The following CYRIB variants were observed in gnomAD, a reference collection of about 807,000 sequenced individuals.
The protein encoded by CYRIB is CYFIP related Rac1 interactor B.
In CYRIB, 8 loss-of-function variants were observed where a neutral mutation model predicts 44.2. That is an observed-to-expected ratio of 0.18 (90% CI 0.11 to 0.33). CYRIB has a LOEUF of 0.33. Ranked by LOEUF, CYRIB falls within the 10% of genes least tolerant of loss-of-function variation. CYRIB has a pLI of 1.00. For synonymous variants in CYRIB, 131 were observed against 127.2 expected, an observed-to-expected ratio of 1.03 and a Z score of -0.20; for missense variants, 185 against 382.8, an observed-to-expected ratio of 0.48 and a Z score of 4.31.
At chr8:129,899,428 CATT>C in intron 2 of CYRIB, among the ~76,000 whole-genome samples, 1 of 152,206 alleles carries the variant, frequency 6.6e-6, no homozygotes, top group South Asian at 2.1e-4. Context: ...ATGTTGAGAT[CATT>C]ATTAGGACCA....
At chr8:129,978,577 G>C (rs1158389273) in intron 1 of CYRIB, among the ~76,000 whole-genome samples, 2 of 152,192 alleles carry the variant, frequency 1.3e-5, no homozygotes, top group Non-Finnish European at 2.9e-5. Context: ...CCCTGTGCTA[G>C]AGTTTTCTAA....
intron 1 of CYRIB, among the ~76,000 whole-genome samples, chr8:129,992,374 A>G (rs1476309241): frequency 6.6e-6 from 1 of 152,220 alleles, no homozygotes; most frequent in African/African-American, 2.4e-5. Context: ...AGTGGGGAAA[A>G]TGTCCCCTCA....
chr8:129,870,003 A>G (rs1168864191), intron 4 of CYRIB, among the ~76,000 whole-genome samples: 1 of 152,136 alleles, frequency 6.6e-6, no homozygotes, highest in Non-Finnish European at 1.5e-5. Flanking sequence ...CGTTGAAGAA[A>G]AAAATGAAAG....
At chr8:129,865,582 GAAT>G (rs1204723493) in intron 4 of CYRIB, among the ~76,000 whole-genome samples, 1 of 152,148 alleles carries the variant, frequency 6.6e-6, no homozygotes. Flanking sequence ...TCATTTCTCA[GAAT>G]AATAAACGTG....
At chr8:129,899,612 CAAAGA>C (rs1489028986) in intron 2 of CYRIB, among the ~76,000 whole-genome samples, 1 of 151,910 alleles carries the variant, frequency 6.6e-6, no homozygotes, top group African/African-American at 2.4e-5. Flanking sequence ...GAGAGGATCA[CAAAGA>C]AAAGATGTTT....
chr8:129,889,384 G>C (rs1329379799), intron 2 of CYRIB, among the ~76,000 whole-genome samples: 1 of 152,182 alleles, frequency 6.6e-6, no homozygotes, highest in African/African-American at 2.4e-5. Context: ...GCAGCTCATG[G>C]ATCACAAAGT....
intron 1 of CYRIB, among the ~76,000 whole-genome samples, chr8:129,930,312 A>G (rs1337169116): frequency 7.3e-6 from 1 of 137,606 alleles, no homozygotes; most frequent in South Asian, 2.3e-4. Flanking sequence ...CAGTAAAAGA[A>G]TTTCACAAAA....
chr8:130,009,382 C>G (rs1009671902), intron 1 of CYRIB, among the ~76,000 whole-genome samples: 2 of 151,744 alleles, frequency 1.3e-5, no homozygotes, highest in African/African-American at 4.9e-5. Context: ...ATTCTCCTGC[C>G]TCAGCCTCCC....
intron 1 of CYRIB, among the ~76,000 whole-genome samples, chr8:129,915,525 A>G (rs2080265884): frequency 6.6e-6 from 1 of 152,208 alleles, no homozygotes; most frequent in Non-Finnish European, 1.5e-5. Flanking sequence ...TAAGGACAGA[A>G]AGGGCACAGG....
intron 5 of CYRIB, among the ~76,000 whole-genome samples, chr8:129,859,928 A>C (rs1363774517): frequency 6.6e-6 from 1 of 152,196 alleles, no homozygotes; most frequent in Non-Finnish European, 1.5e-5. Flanking sequence ...AGGGCAGTGT[A>C]GTTAAACCCT....
At position 129,852,078 on chromosome 8, in the gene CYRIB, T is replaced by C. The variant is rs546459239; in HGVS notation, c.633+84A>G. ...GGAGTCTGTTGGTTTCAAGATGGTA[T>C]TTAATGTCTTGGGCTTGCTGACATC... On this transcript the variant is annotated intron_variant, in intron 8 of 11. Coordinates refer to ENST00000519824, the Ensembl canonical transcript of CYRIB. 1.6e-5 allele frequency: 13 copies of C among 789,524 alleles called. No individual in the cohort carries two copies. The East Asian group carries it at 3.5e-4, about 21-fold the overall frequency. 48.9% of individuals were successfully genotyped at this position (789,524 alleles called of 1,614,324 possible). A position where few individuals can be genotyped will look rare whatever the true frequency, so the allele number is the denominator to read the frequency against.
At chr8:129,889,340 G>A (rs990279898) in intron 2 of CYRIB, among the ~76,000 whole-genome samples, 20 of 152,146 alleles carry the variant, frequency 1.3e-4, no homozygotes, top group African/African-American at 4.3e-4. Flanking sequence ...GGAGATTAAC[G>A]CTGTTTTCAT....
chr8:130,015,891 T>C (rs2097331291), intron 1 of CYRIB, among the ~76,000 whole-genome samples: 1 of 152,170 alleles, frequency 6.6e-6, no homozygotes, highest in African/African-American at 2.4e-5. Context: ...CTCTAGTTCC[T>C]CAAATCCAAT....
At chr8:129,923,962 G>A (rs2085550397) in intron 1 of CYRIB, among the ~76,000 whole-genome samples, 1 of 150,310 alleles carries the variant, frequency 6.7e-6, no homozygotes, top group South Asian at 2.1e-4. Flanking sequence ...AAGTAAATGA[G>A]GAAAATGAAT....
chr8:129,925,152 CT>C (rs2086726161), intron 1 of CYRIB, among the ~76,000 whole-genome samples: 1 of 152,092 alleles, frequency 6.6e-6, no homozygotes, highest in African/African-American at 2.4e-5. Flanking sequence ...AATCCCAGCA[CT>C]TTGGGAGGCC....
At chr8:129,954,015 C>T (rs2094645269) in intron 2 of CYRIB, among the ~76,000 whole-genome samples, 2 of 152,070 alleles carry the variant, frequency 1.3e-5, no homozygotes, top group Non-Finnish European at 2.9e-5. Context: ...AGAAGTGTAA[C>T]TGGTTTAGCA....
intron 1 of CYRIB, among the ~76,000 whole-genome samples, chr8:129,915,389 G>GAA (rs2080195745): frequency 6.6e-6 from 1 of 152,092 alleles, no homozygotes; most frequent in South Asian, 2.1e-4. Context: ...AGATATAAAA[G>GAA]AATATATATT....
intron 7 of CYRIB, among the ~76,000 whole-genome samples, chr8:129,852,497 C>A (rs994110370): frequency 3.3e-5 from 5 of 151,916 alleles, no homozygotes; most frequent in Non-Finnish European, 5.9e-5. Flanking sequence ...TAAATAAAAC[C>A]TTGATGAACT....
intron 1 of CYRIB, among the ~76,000 whole-genome samples, chr8:129,932,104 T>A (rs565518640): frequency 1.4e-4 from 21 of 151,546 alleles, no homozygotes; most frequent in African/African-American, 4.8e-4. Context: ...GTTCAAGCGA[T>A]TCTCCTGCCT....
Sources: allele counts gnomAD v4.1 joint callset (sites outside exome capture counted in the v4.1 genomes callset), GRCh38; gene constraint gnomAD v4.1.1; transcripts MANE v1.5; gene names NCBI Gene and HGNC (gene_info 2026-07-23, HGNC 2026-07-21).